Variants in GPHN observed in about 807,000 individuals in gnomAD.
GPHN encodes gephyrin.
GPHN carries 17 observed loss-of-function variants against 95.5 expected under a neutral mutation model. The observed-to-expected ratio is 0.18, with a 90% CI of 0.12 to 0.27. The LOEUF (loss-of-function observed/expected upper bound fraction) is 0.27. Among genes scored for constraint, GPHN ranks in the 10% least tolerant of loss-of-function variants. GPHN has a pLI of 1.00. For synonymous variants in GPHN, 320 were observed against 322.5 expected (o/e 0.99, Z 0.08); for missense variants, 660 against 978.1 (o/e 0.67, Z 4.34).
chr14:66,913,017 C>G (rs970798380), intron 5 of GPHN, among the ~76,000 whole-genome samples: 1 of 152,024 alleles, frequency 6.6e-6, no homozygotes, highest in Non-Finnish European at 1.5e-5. Flanking sequence ...ATTACTGGAC[C>G]CCACCCTCAT....
the GPHN span, among the ~76,000 whole-genome samples, chr14:67,461,026 C>T: frequency 2.6e-5 from 4 of 152,098 alleles, no homozygotes; most frequent in African/African-American, 9.7e-5. Context: ...AATTTGCCTT[C>T]CTATTCATTA....
At chr14:67,345,916 C>T in the GPHN span, 1 of 1,244,024 alleles carries the variant, frequency 8.0e-7, no homozygotes. Context: ...AGTAAAATAT[C>T]TTCCCTATAA....
intron 1 of GPHN, among the ~76,000 whole-genome samples, chr14:66,531,089 G>A (rs2058915185): frequency 6.6e-6 from 1 of 151,304 alleles, no homozygotes; most frequent in South Asian, 2.1e-4. Context: ...GGGATTACAG[G>A]CACCTGCCAC....
At chr14:67,121,158 C>CT (rs1440507025) in intron 16 of GPHN, among the ~76,000 whole-genome samples, 5 of 151,916 alleles carry the variant, frequency 3.3e-5, no homozygotes, top group African/African-American at 9.7e-5. Context: ...CAAGTAAGTA[C>CT]TTCTTTTTTT....
At chr14:67,566,076 G>A in the GPHN span, among the ~76,000 whole-genome samples, 20 of 152,324 alleles carry the variant, frequency 1.3e-4, no homozygotes, top group African/African-American at 3.8e-4. Context: ...CTGAGATTGC[G>A]CCACTGCACT....
chr14:66,836,597 T>A (rs1352477651), intron 4 of GPHN, among the ~76,000 whole-genome samples: 2 of 137,592 alleles, frequency 1.5e-5, no homozygotes, highest in Admixed American at 1.4e-4. Context: ...ACAAATGGGA[T>A]CTAATTAAAC....
chr14:67,537,381 A>ATAATAAT, the GPHN span, among the ~76,000 whole-genome samples: 3 of 98,374 alleles, frequency 3.0e-5, no homozygotes, highest in African/African-American at 8.2e-5. Flanking sequence ...AATAATAATA[A>ATAATAAT]AAACTTAATC....
At chr14:67,392,558 A>G in the GPHN span, 1 of 1,256,162 alleles carries the variant, frequency 8.0e-7, no homozygotes, top group Non-Finnish European at 1.2e-6. Context: ...GTCGTCCCCC[A>G]AGCCCAAGGT....
chr14:67,169,617 A>G (rs1358527998), intron 21 of GPHN, among the ~76,000 whole-genome samples: 1 of 152,236 alleles, frequency 6.6e-6, no homozygotes, highest in Non-Finnish European at 1.5e-5. Context: ...AATGTGATTT[A>G]CTACTACTCA....
chr14:67,608,414 A>G, the GPHN span, among the ~76,000 whole-genome samples: 3 of 152,178 alleles, frequency 2.0e-5, no homozygotes, highest in African/African-American at 7.2e-5. Context: ...CATAGGCTAT[A>G]TGCAAACACG....
chr14:67,564,147 C>T, the GPHN span, among the ~76,000 whole-genome samples: 10 of 152,026 alleles, frequency 6.6e-5, no homozygotes, highest in South Asian at 8.3e-4. Flanking sequence ...GTGATCCGCC[C>T]GCCTCAGCCT....
chr14:67,580,023 C>T, the GPHN span: 1 of 719,516 alleles, frequency 1.4e-6, no homozygotes, highest in East Asian at 2.8e-5. Context: ...ATTTCTGTGC[C>T]ATCCTAAAAT....
At chr14:66,541,918 A>G (rs1354336514) in intron 1 of GPHN, among the ~76,000 whole-genome samples, 1 of 152,222 alleles carries the variant, frequency 6.6e-6, no homozygotes, top group Non-Finnish European at 1.5e-5. Flanking sequence ...TGGGCAACTT[A>G]ATTAAGTCTT....
chr14:67,279,594 A>C, the GPHN span: 6 of 1,441,004 alleles, frequency 4.2e-6, no homozygotes, highest in Non-Finnish European at 5.6e-6. Context: ...TCTGTGCCTT[A>C]TAATGTATAT....
chr14:66,921,451 T>A (rs2066212481), intron 6 of GPHN, among the ~76,000 whole-genome samples: 1 of 151,990 alleles, frequency 6.6e-6, no homozygotes, highest in Admixed American at 6.5e-5. Context: ...ATTGTTTTTT[T>A]TTTTTTTTCT....
intron 2 of GPHN, among the ~76,000 whole-genome samples, chr14:66,696,037 A>G (rs1248503406): frequency 1.3e-5 from 2 of 152,234 alleles, no homozygotes; most frequent in Non-Finnish European, 2.9e-5. Context: ...GTGGAGGTTT[A>G]TCAGTGGTAA....
chr14:67,151,486 G>A (rs960187500), intron 18 of GPHN, among the ~76,000 whole-genome samples: 1 of 152,180 alleles, frequency 6.6e-6, no homozygotes, highest in African/African-American at 2.4e-5. Context: ...CCTGCCACAA[G>A]GGGCAATACC....
At position 66,629,173 on chromosome 14, in the gene GPHN, A is replaced by T. The variant is rs371255220; in HGVS notation, c.65-51934A>T. On this transcript the variant is annotated intron_variant, in intron 1 of 22. Transcript: ENST00000478722. ...CATATATAAATATGTATATAAATAT[A>T]TATATACATATATAAATATGTATAT... Among the ~76,000 whole-genome samples, 38 of 90,592 alleles carry T rather than the reference A, an allele frequency of 4.2e-4. 2 individuals carry two copies. The South Asian group carries it at 4.2e-3, about 10-fold the overall frequency. The allele number at this position is 90,592 out of a possible 152,430, so 59.4% of individuals were successfully genotyped here. A position where few individuals can be genotyped will look rare whatever the true frequency, so the allele number is the denominator to read the frequency against.
chr14:66,634,452 A>G (rs2063993457), intron 1 of GPHN, among the ~76,000 whole-genome samples: 2 of 152,020 alleles, frequency 1.3e-5, no homozygotes, highest in Admixed American at 6.6e-5. Context: ...TTTGGTGGGG[A>G]AGGGGTCATC....
Sources: gnomAD v4.1 joint callset for allele counts (sites outside exome capture counted in the v4.1 genomes callset) on GRCh38, gnomAD v4.1.1 for gene constraint, MANE v1.5 for transcripts, NCBI Gene and HGNC (gene_info 2026-07-23, HGNC 2026-07-21) for gene names.